TRMT11: variants seen among roughly 807,000 people sequenced by gnomAD.
TRMT11 encodes the protein tRNA (guanine(10)-N(2))-methyltransferase TRMT11.
In TRMT11, 53 loss-of-function variants were observed where a neutral mutation model predicts 62.8. The ratio of observed to expected loss-of-function variants is 0.84; its 90% confidence interval spans 0.68 to 1.06. The LOEUF (loss-of-function observed/expected upper bound fraction) is 1.06. Among genes scored for constraint, TRMT11 ranks in the 50% least tolerant of loss-of-function variants. The pLI is 0.00. For synonymous variants in TRMT11, 188 were observed against 190.3 expected (o/e 0.99, Z 0.10); for missense variants, 556 against 553.4 (o/e 1.00, Z -0.05).
intron 21 of TRMT11, among the ~76,000 whole-genome samples, chr6:126,156,906 C>A (rs535278400): frequency 6.6e-6 from 1 of 152,294 alleles, no homozygotes; most frequent in East Asian, 1.9e-4. Flanking sequence ...GGACAAACAT[C>A]CAAACTATAT....
intron 1 of TRMT11, among the ~76,000 whole-genome samples, chr6:126,194,477 G>A (rs190131339): frequency 1.1e-4 from 16 of 152,026 alleles, no homozygotes; most frequent in Admixed American, 3.3e-4. Flanking sequence ...TTAATTTCGC[G>A]CCCTAATGTT....
intron 7 of TRMT11, among the ~76,000 whole-genome samples, chr6:126,006,416 A>G (rs867716616): frequency 6.6e-6 from 1 of 152,036 alleles, no homozygotes; most frequent in African/African-American, 2.4e-5. Flanking sequence ...AATAAATTCA[A>G]TTCTTATTGT....
chr6:126,073,203 A>G (rs1332500306), intron 17 of TRMT11, among the ~76,000 whole-genome samples: 1 of 152,112 alleles, frequency 6.6e-6, no homozygotes, highest in African/African-American at 2.4e-5. Flanking sequence ...GCAGCTTTAT[A>G]TTATAGCAGA....
In TRMT11 at chr6:126,138,236, CTG is replaced by C. The variant is rs1483496706; in HGVS notation, c.*1823+22384_*1823+22385del. ...ACCATGTTCACAAAAATGTGTACAACTGTGATATAGCAATAAAAATACAATAA... is the reference window on the plus strand; with the variant it reads ...ACCATGTTCACAAAAATGTGTACAACTGATATAGCAATAAAAATACAATAA... On this transcript the variant is annotated intron_variant and NMD_transcript_variant, in intron 21 of 22. Transcript: ENST00000648977. Among the ~76,000 whole-genome samples the C allele has an allele frequency of 8.6e-5, 13 of 151,900 alleles. No individual in the cohort carries two copies. In the East Asian group the frequency reaches 2.5e-3, roughly 29 times the overall value.
chr6:125,998,511 A>G (rs747011647), intron 5 of TRMT11, 39 bp from the exon 6 acceptor site: 2 of 1,582,544 alleles, frequency 1.3e-6, no homozygotes, highest in Admixed American at 1.9e-5. Flanking sequence ...TTCATTGTAA[A>G]TTATTATAAG....
At chr6:126,087,945 G>A (rs1052049077) in intron 17 of TRMT11, among the ~76,000 whole-genome samples, 3 of 151,934 alleles carry the variant, frequency 2.0e-5, no homozygotes, top group African/African-American at 4.8e-5. Flanking sequence ...CTATTTAATT[G>A]TTCATATTAT....
chr6:126,145,710 T>C (rs998601114), intron 21 of TRMT11, among the ~76,000 whole-genome samples: 20 of 152,172 alleles, frequency 1.3e-4, no homozygotes, highest in Admixed American at 5.2e-4. Context: ...TCACTTTATC[T>C]ACTGTGTCTG....
chr6:126,126,151 T>C (rs747356041), intron 21 of TRMT11, among the ~76,000 whole-genome samples: 50 of 152,092 alleles, frequency 3.3e-4, no homozygotes, highest in Non-Finnish European at 6.0e-4. Context: ...CCACCTGCTT[T>C]AGATATTAGG....
At chr6:126,140,479 C>G (rs1490898988) in intron 21 of TRMT11, among the ~76,000 whole-genome samples, 1 of 151,996 alleles carries the variant, frequency 6.6e-6, no homozygotes, top group East Asian at 1.9e-4. Context: ...ATAAAATTCA[C>G]AAGCAAAATC....
chr6:126,095,938 C>A (rs1398790880), intron 17 of TRMT11, among the ~76,000 whole-genome samples: 1 of 152,078 alleles, frequency 6.6e-6, no homozygotes, highest in African/African-American at 2.4e-5. Flanking sequence ...GTGATTGGAG[C>A]TTGGATTCTG....
intron 21 of TRMT11, among the ~76,000 whole-genome samples, chr6:126,146,922 C>T (rs1777981718): frequency 2.6e-5 from 1 of 39,196 alleles, no homozygotes; most frequent in Admixed American, 1.8e-4. Flanking sequence ...GACATAATGT[C>T]AAGATGCTCA....
chr6:126,148,811 A>G (rs1256713970), intron 21 of TRMT11, among the ~76,000 whole-genome samples: 1 of 152,228 alleles, frequency 6.6e-6, no homozygotes, highest in Non-Finnish European at 1.5e-5. Context: ...TTATTAATGT[A>G]TGACATAGTA....
chr6:126,141,935 G>C (rs990046344), intron 21 of TRMT11, among the ~76,000 whole-genome samples: 3 of 151,906 alleles, frequency 2.0e-5, no homozygotes, highest in Non-Finnish European at 4.4e-5. Context: ...TTCTCTACCA[G>C]GGAAAGTGCT....
chr6:126,185,393 G>A (rs1450777485), intron 1 of TRMT11, among the ~76,000 whole-genome samples: 3 of 152,080 alleles, frequency 2.0e-5, no homozygotes, highest in Non-Finnish European at 4.4e-5. Flanking sequence ...ACCTGGTTAG[G>A]AGCCAGGCTT....
chr6:126,257,803 G>A, the TRMT11 span: 4 of 714,976 alleles, frequency 5.6e-6, no homozygotes, highest in Admixed American at 9.0e-5. Flanking sequence ...AAGGGGGCAG[G>A]GGAAGAGACC....
intron 17 of TRMT11, among the ~76,000 whole-genome samples, chr6:126,102,801 A>T (rs1371004072): frequency 1.3e-5 from 2 of 152,210 alleles, no homozygotes; most frequent in Non-Finnish European, 2.9e-5. Context: ...AACATGTATC[A>T]GGTTCTTACT....
the TRMT11 span, among the ~76,000 whole-genome samples, chr6:126,228,713 G>T: frequency 6.6e-6 from 1 of 152,196 alleles, no homozygotes; most frequent in African/African-American, 2.4e-5. Context: ...CCCAAGGATG[G>T]TGTAGTCTTA....
chr6:126,214,870 G>A, the TRMT11 span, among the ~76,000 whole-genome samples: 14 of 151,820 alleles, frequency 9.2e-5, no homozygotes, highest in Non-Finnish European at 1.6e-4. Flanking sequence ...TGTGCTTATA[G>A]GTATGAGCTT....
At chr6:126,146,829 T>G (rs1398407315) in intron 21 of TRMT11, among the ~76,000 whole-genome samples, 1 of 152,200 alleles carries the variant, frequency 6.6e-6, no homozygotes, top group Non-Finnish European at 1.5e-5. Context: ...AAATGACATT[T>G]TATTTGTGCT....
Sources: gnomAD v4.1 joint callset for allele counts (sites outside exome capture counted in the v4.1 genomes callset) on GRCh38, gnomAD v4.1.1 for gene constraint, MANE v1.5 for transcripts, NCBI Gene and HGNC (gene_info 2026-07-23, HGNC 2026-07-21) for gene names.